Variants in GLMN observed in about 807,000 individuals in gnomAD.
GLMN encodes glomulin, FKBP associated protein, also known as glomulin.
In GLMN, 75 loss-of-function variants were observed where a neutral mutation model predicts 87.8. The ratio of observed to expected loss-of-function variants is 0.85; its 90% CI spans 0.71 to 1.04. The LOEUF (loss-of-function observed/expected upper bound fraction) is 1.04, where lower values mean the gene tolerates loss of function less well. Ranked by LOEUF, GLMN falls within the 50% of genes least tolerant of loss-of-function variation. The probability of loss-of-function intolerance (pLI) is 0.00; values close to 1 mark genes in which losing one functional copy is unlikely to be tolerated. For synonymous variants in GLMN, 206 were observed against 221.6 expected (o/e 0.93, Z 0.63); for missense variants, 588 against 658.8 (o/e 0.89, Z 1.18).
chr1:92,355,978 G>GTATC, the GLMN span, among the ~76,000 whole-genome samples: 1 of 152,124 alleles, frequency 6.6e-6, no homozygotes, highest in Non-Finnish European at 1.5e-5. Context: ...GAGTGGTTTA[G>GTATC]TATCTGCACA....
chr1:92,349,916 T>C, the GLMN span, among the ~76,000 whole-genome samples: 1 of 152,106 alleles, frequency 6.6e-6, no homozygotes, highest in African/African-American at 2.4e-5. Context: ...AACAGAGCAA[T>C]ACCTTATCTC....
chr1:92,350,047 A>G, the GLMN span, among the ~76,000 whole-genome samples: 9 of 152,226 alleles, frequency 5.9e-5, no homozygotes, highest in Non-Finnish European at 1.2e-4. Context: ...TGCACACTCA[A>G]TGAAATGCAT....
the GLMN span, among the ~76,000 whole-genome samples, chr1:92,312,884 C>T: frequency 1.6e-4 from 25 of 151,580 alleles, no homozygotes; most frequent in East Asian, 1.7e-3. Flanking sequence ...TGCAGTGGCG[C>T]GATCTTGGCT....
chr1:92,314,507 T>C, the GLMN span, among the ~76,000 whole-genome samples: 1 of 152,228 alleles, frequency 6.6e-6, no homozygotes, highest in African/African-American at 2.4e-5. Flanking sequence ...TCCAGCACTT[T>C]GGGAGGCCAA....
chr1:92,275,452 G>C (rs1472612277), intron 7 of GLMN, among the ~76,000 whole-genome samples: 1 of 152,122 alleles, frequency 6.6e-6, no homozygotes, highest in African/African-American at 2.4e-5. Context: ...ATAAACACTT[G>C]TATTTTTCCC....
At chr1:92,331,989 C>T in the GLMN span, among the ~76,000 whole-genome samples, 1 of 152,042 alleles carries the variant, frequency 6.6e-6, no homozygotes, top group East Asian at 1.9e-4. Flanking sequence ...CTTATTGCTA[C>T]TCCTTTGAAA....
the GLMN span, among the ~76,000 whole-genome samples, chr1:92,331,183 A>G: frequency 1.3e-5 from 2 of 152,206 alleles, no homozygotes; most frequent in Non-Finnish European, 2.9e-5. Context: ...ATTGAAACTC[A>G]TATCACTATG....
intron 5 of GLMN, among the ~76,000 whole-genome samples, chr1:92,289,528 T>C (rs1261344882): frequency 6.6e-6 from 1 of 152,158 alleles, no homozygotes; most frequent in African/African-American, 2.4e-5. Flanking sequence ...GAAGACTGAA[T>C]ATTACAGGTA....
chr1:92,323,136 A>G, the GLMN span, among the ~76,000 whole-genome samples: 3 of 149,076 alleles, frequency 2.0e-5, no homozygotes, highest in East Asian at 5.8e-4. Context: ...GGATAGCATT[A>G]TCAAGTTTTT....
the GLMN span, among the ~76,000 whole-genome samples, chr1:92,352,471 CA>C: frequency 2.0e-5 from 3 of 152,062 alleles, no homozygotes; most frequent in African/African-American, 7.2e-5. Context: ...GCCTGCCTAT[CA>C]CTAATTTCCT....
intron 13 of GLMN, among the ~76,000 whole-genome samples, chr1:92,265,362 A>T (rs183549104): frequency 6.6e-6 from 1 of 152,206 alleles, no homozygotes; most frequent in Non-Finnish European, 1.5e-5. Flanking sequence ...AGCTTAAGAA[A>T]AAAAGGGGAT....
At chr1:92,353,735 C>T in the GLMN span, among the ~76,000 whole-genome samples, 3 of 152,060 alleles carry the variant, frequency 2.0e-5, no homozygotes, top group Admixed American at 6.6e-5. Context: ...GAGGATTAAG[C>T]AATAATTAGA....
chr1:92,315,410 A>G, the GLMN span, among the ~76,000 whole-genome samples: 1 of 152,356 alleles, frequency 6.6e-6, no homozygotes, highest in East Asian at 1.9e-4. Context: ...AAATATGATA[A>G]TTACCAAACT....
chr1:92,294,215 A>C (rs1649767253), intron 3 of GLMN, among the ~76,000 whole-genome samples: 1 of 152,166 alleles, frequency 6.6e-6, no homozygotes, highest in Admixed American at 6.5e-5. Context: ...TCATGTACCC[A>C]TCAATATATA....
intron 18 of GLMN, 25 bp downstream of exon 18, chr1:92,247,032 AAAAGG>A (rs773455783): frequency 1.6e-5 from 19 of 1,172,820 alleles, no homozygotes; most frequent in Non-Finnish European, 2.2e-5. Context: ...CTAAAGAAGA[AAAAGG>A]AAAGAAAAGA....
rs531320852 is a variant in GLMN at position 92,279,646 on chromosome 1, C to A, written c.735+6844G>T. 1.7e-3 allele frequency among the ~76,000 whole-genome samples: 253 copies of A among 152,218 alleles called. 2 individuals are homozygous for A. Among genetic ancestry groups the A allele is most frequent in the Non-Finnish European group, 1.5e-3 (105 of 67,996 alleles). ...CCACGGAGGGCAAGCTGAGGCAGGG[C>A]GGGGCATTGCCTCACCCGGGAAGTG... is the stretch of plus-strand genomic sequence containing the variant. On this transcript the variant is annotated intron_variant, in intron 7 of 18. Coordinates refer to ENST00000370360, the MANE Select transcript of GLMN (RefSeq NM_053274.3).
Position 92,267,960 on chromosome 1 carries a change from G to A in GLMN, c.1051C>T (p.Leu351=). The change falls in exon 11 of 19, where the codon CTA becomes TTA. Residue 351 remains leucine, a synonymous_variant. Coordinates refer to ENST00000370360, the MANE Select transcript of GLMN (RefSeq NM_053274.3). ...NSLLRIEDNS[L]LYQYLEIKSF... ...TTGATTTCTAAGTACTGGTAAAGTA[G>A]ACTATTGTCTTCTATTCTCAATAAA... The A allele has an allele frequency of 1.9e-6, 3 of 1,561,206 alleles. No individual in the cohort carries two copies.
the GLMN span, among the ~76,000 whole-genome samples, chr1:92,326,706 C>T: frequency 1.3e-5 from 2 of 152,208 alleles, no homozygotes; most frequent in African/African-American, 2.4e-5. Flanking sequence ...GCTGCCTCTG[C>T]TGTGTCATGC....
chr1:92,276,469 C>T (rs997075684), intron 7 of GLMN, among the ~76,000 whole-genome samples: 1 of 152,022 alleles, frequency 6.6e-6, no homozygotes, highest in Non-Finnish European at 1.5e-5. Context: ...CGAGACCAGC[C>T]TGGGTAACAT....
Sources: allele counts gnomAD v4.1 joint callset (sites outside exome capture counted in the v4.1 genomes callset), GRCh38; gene constraint gnomAD v4.1.1; transcripts MANE v1.5; gene names NCBI Gene and HGNC (gene_info 2026-07-23, HGNC 2026-07-21).